Variants in ITGB6 observed in about 807,000 individuals in gnomAD.
ITGB6 encodes the protein integrin beta-6.
A neutral mutation model predicts 84.5 loss-of-function variants in ITGB6; 80 were observed. The observed-to-expected ratio is 0.95, with a 90% CI of 0.79 to 1.14. The LOEUF (loss-of-function observed/expected upper bound fraction) is 1.14. Among genes scored for constraint, ITGB6 ranks in the 50% most tolerant of loss-of-function variants. The pLI is 0.00. For synonymous variants in ITGB6, 383 were observed against 354.9 expected, an observed-to-expected ratio of 1.08 and a Z score of -0.89; for missense variants, 1,006 against 968.0, an observed-to-expected ratio of 1.04 and a Z score of -0.52.
At chr2:160,103,643 G>A (rs761584301) in intron 14 of ITGB6, among the ~76,000 whole-genome samples, 11 of 152,174 alleles carry the variant, frequency 7.2e-5, no homozygotes, top group Non-Finnish European at 1.0e-4. Context: ...AATCATGCAT[G>A]GAATTCTATT....
intron 4 of ITGB6, among the ~76,000 whole-genome samples, chr2:160,187,842 G>A (rs894824528): frequency 6.6e-6 from 1 of 151,630 alleles, no homozygotes; most frequent in Non-Finnish European, 1.5e-5. Flanking sequence ...GATGATTATG[G>A]GTATATATAA....
At chr2:160,149,803 GATGC>G (rs1206711594) in intron 7 of ITGB6, among the ~76,000 whole-genome samples, 1 of 152,182 alleles carries the variant, frequency 6.6e-6, no homozygotes, top group Non-Finnish European at 1.5e-5. Flanking sequence ...AGAACTTCGT[GATGC>G]ATGCACAAGC....
chr2:160,123,413 TAAAGC>T (rs1683117261), intron 12 of ITGB6, among the ~76,000 whole-genome samples: 1 of 152,156 alleles, frequency 6.6e-6, no homozygotes, highest in African/African-American at 2.4e-5. Flanking sequence ...TATCTTGAAA[TAAAGC>T]AATTGGATGA....
chr2:160,113,957 G>A lies in ITGB6; in HGVS notation c.1982-1758C>T, dbSNP rs139468067. Among the ~76,000 whole-genome samples, 615 of 152,230 alleles carry A rather than the reference G, an allele frequency of 4.0e-3. 4 individuals are homozygous for A. The highest frequency in any genetic ancestry group is 7.3e-3 in the Non-Finnish European group (498 of 68,008). ...TTCTTTCCCCCTCTCTGTGGGAACAGCCCAGGCTCACTCTGCTCGCCTTGA... is the reference window on the plus strand; with the variant it reads ...TTCTTTCCCCCTCTCTGTGGGAACAACCCAGGCTCACTCTGCTCGCCTTGA... On this transcript the variant is annotated intron_variant, in intron 12 of 14. Transcript: ENST00000283249.
chr2:160,192,656 G>C (rs767825334), intron 4 of ITGB6, among the ~76,000 whole-genome samples: 2 of 151,972 alleles, frequency 1.3e-5, no homozygotes, highest in African/African-American at 2.4e-5. Context: ...TTGACCAAAG[G>C]TATCGCCAGA....
intron 7 of ITGB6, among the ~76,000 whole-genome samples, chr2:160,154,978 T>C (rs1325545793): frequency 4.6e-5 from 7 of 152,148 alleles, no homozygotes; most frequent in Admixed American, 4.6e-4. Flanking sequence ...GTTTTCGTGA[T>C]AGTGAGTGAG....
At chr2:160,152,778 A>G (rs1377338504) in intron 7 of ITGB6, among the ~76,000 whole-genome samples, 1 of 152,224 alleles carries the variant, frequency 6.6e-6, no homozygotes, top group African/African-American at 2.4e-5. Context: ...ATGTCCAAAA[A>G]TCACAAGCAT....
At chr2:160,143,232 C>T (rs986460828) in intron 7 of ITGB6, among the ~76,000 whole-genome samples, 5 of 152,070 alleles carry the variant, frequency 3.3e-5, no homozygotes, top group African/African-American at 1.2e-4. Flanking sequence ...CTGCAGTGAG[C>T]TGATAGGTTG....
chr2:160,178,678 C>G (rs1289255896), intron 4 of ITGB6, among the ~76,000 whole-genome samples: 3 of 114,152 alleles, frequency 2.6e-5, no homozygotes, highest in Non-Finnish European at 4.0e-5. Flanking sequence ...CTTTCTCTCT[C>G]TCTCTCTCTC....
chr2:160,163,450 G>A (rs776414860), intron 7 of ITGB6, among the ~76,000 whole-genome samples: 1 of 152,068 alleles, frequency 6.6e-6, no homozygotes, highest in Non-Finnish European at 1.5e-5. Flanking sequence ...TGGCCAACAT[G>A]GTGAAACCCC....
At chr2:160,115,050 G>T (rs1294575482) in intron 12 of ITGB6, among the ~76,000 whole-genome samples, 3 of 152,222 alleles carry the variant, frequency 2.0e-5, no homozygotes, top group African/African-American at 7.2e-5. Flanking sequence ...GCCTGCCTCT[G>T]TAGGCTCCAC....
At chr2:160,113,873 T>C (rs1178197260) in intron 12 of ITGB6, among the ~76,000 whole-genome samples, 1 of 152,190 alleles carries the variant, frequency 6.6e-6, no homozygotes, top group Non-Finnish European at 1.5e-5. Flanking sequence ...CCCCTCCAAT[T>C]AGCTAGGGTT....
chr2:160,106,632 A>C (rs1199515199), intron 14 of ITGB6, among the ~76,000 whole-genome samples: 1 of 152,224 alleles, frequency 6.6e-6, no homozygotes, highest in African/African-American at 2.4e-5. Context: ...TGTTGTATCT[A>C]AATGCATTTT....
chr2:160,108,947 A>AT (rs1280110975), intron 13 of ITGB6, among the ~76,000 whole-genome samples: 4 of 152,214 alleles, frequency 2.6e-5, no homozygotes, highest in African/African-American at 9.7e-5. Context: ...CATGGAAAAA[A>AT]AATCCCACAT....
intron 6 of ITGB6, 144 bp downstream of exon 6, chr2:160,172,425 C>T (rs1309798105): frequency 2.6e-5 from 19 of 729,010 alleles, no homozygotes; most frequent in Admixed American, 2.3e-4. Flanking sequence ...TGGTGAGAAT[C>T]GAGCTGGGGC....
intron 6 of ITGB6, among the ~76,000 whole-genome samples, chr2:160,170,090 T>G (rs935842192): frequency 1.3e-5 from 2 of 151,622 alleles, no homozygotes; most frequent in African/African-American, 4.9e-5. Context: ...AGTGAGGTAC[T>G]AGCCTGCTAA....
rs1683797354 is a variant in ITGB6, at chr2:160,137,584, C to T, written c.1510G>A (p.Glu504Lys). 6.2e-7 allele frequency: 1 copy of T among 1,614,094 alleles called. No homozygotes were observed. The highest frequency in any genetic ancestry group is 1.3e-5 in the African/African-American group (1 of 74,934). The change falls in exon 10 of 15, where the codon GAG (glutamate) becomes AAG (lysine). Residue 504 changes from glutamate (E) to lysine (K), a missense_variant. Transcript: ENST00000283249. The stretch of plus-strand genomic sequence containing the variant: ...CTGCAGGAGGGATGATCTGGGGCCT[C>T]CTTGCAGGAATCTGTGCTCAGCATG... ...EDMLSTDSCK[E>K]APDHPSCSGR...
chr2:160,191,754 AC>A (rs770749450), intron 4 of ITGB6, among the ~76,000 whole-genome samples: 17 of 152,198 alleles, frequency 1.1e-4, no homozygotes, highest in Non-Finnish European at 2.1e-4. Flanking sequence ...GATCATATAC[AC>A]AGAAAATTCT....
At chr2:160,101,903 G>A (rs1696736884) in intron 14 of ITGB6, 69 bp from the exon 15 acceptor site, 3 of 831,472 alleles carry the variant, frequency 3.6e-6, no homozygotes, top group Middle Eastern at 2.3e-4. Context: ...AATACGTAGT[G>A]CAAATTGGAA....
Sources: allele counts gnomAD v4.1 joint callset (sites outside exome capture counted in the v4.1 genomes callset), GRCh38; gene constraint gnomAD v4.1.1; transcripts MANE v1.5; gene names NCBI Gene and HGNC (gene_info 2026-07-23, HGNC 2026-07-21).